Variants in MAST2 observed in about 807,000 individuals in gnomAD.
The protein encoded by MAST2 is microtubule-associated serine/threonine-protein kinase 2.
Under a neutral mutation model 147.4 loss-of-function variants are expected in MAST2, and 70 were observed. That is an observed-to-expected ratio of 0.47 (90% CI 0.39 to 0.58). The LOEUF is 0.58. Ranked by LOEUF, MAST2 falls within the 20% of genes least tolerant of loss-of-function variation. The pLI is 0.00. For missense variants in MAST2, 2,080 were observed against 2,302.3 expected (o/e 0.90, Z 1.98); for synonymous variants, 869 against 896.8 (o/e 0.97, Z 0.55).
At chr1:46,020,829 T>C (rs1646152366) in intron 11 of MAST2, among the ~76,000 whole-genome samples, 1 of 152,204 alleles carries the variant, frequency 6.6e-6, no homozygotes, top group African/African-American at 2.4e-5. Flanking sequence ...TCACTCAGCA[T>C]GTTTGTAGAA....
At chr1:46,032,031 G>C in intron 24 of MAST2, 147 bp from the exon 25 acceptor site, 4 of 656,910 alleles carry the variant, frequency 6.1e-6, no homozygotes, top group Non-Finnish European at 1.1e-5. Flanking sequence ...GGACACGGGA[G>C]AGGGCTTCAC....
chr1:45,933,731 G>T (rs1029573923), intron 4 of MAST2, among the ~76,000 whole-genome samples: 1 of 152,092 alleles, frequency 6.6e-6, no homozygotes, highest in South Asian at 2.1e-4. Context: ...TCTAGCCTGG[G>T]CAACAAGAGC....
intron 4 of MAST2, among the ~76,000 whole-genome samples, chr1:45,906,550 A>G (rs1275992301): frequency 6.8e-6 from 1 of 147,788 alleles, no homozygotes; most frequent in African/African-American, 2.6e-5. Flanking sequence ...AAAATAATGT[A>G]GCCTAAGTGT....
At chr1:45,926,519 T>G (rs1415948407) in intron 4 of MAST2, among the ~76,000 whole-genome samples, 1 of 152,212 alleles carries the variant, frequency 6.6e-6, no homozygotes, top group Admixed American at 6.5e-5. Context: ...GCATTCTCAC[T>G]AATTGTTTCT....
At chr1:45,862,123 A>G (rs1645999755) in intron 3 of MAST2, among the ~76,000 whole-genome samples, 1 of 152,278 alleles carries the variant, frequency 6.6e-6, no homozygotes, top group Non-Finnish European at 1.5e-5. Context: ...CAAAATTTGC[A>G]TAAATTTTGA....
chr1:45,976,224 A>C (rs1200085376), intron 5 of MAST2, among the ~76,000 whole-genome samples: 1 of 151,922 alleles, frequency 6.6e-6, no homozygotes, highest in African/African-American at 2.4e-5. Context: ...TGATCCGCCC[A>C]CCTCAGCCTC....
In MAST2 at chr1:45,993,692, A is replaced by T. The variant is rs560832228; in HGVS notation, c.593-4032A>T. 5.2e-4 allele frequency among the ~76,000 whole-genome samples: 79 copies of T among 151,558 alleles called. No individual in the cohort carries two copies. The East Asian group carries it at 7.8e-3, about 15-fold the overall frequency. ...AAATGAGACTCCATCTCAAAAAAAAATTTTTTTTTGCTGGTACAATGACTT... is the reference window on the plus strand; with the variant it reads ...AAATGAGACTCCATCTCAAAAAAAATTTTTTTTTTGCTGGTACAATGACTT... On this transcript the variant is annotated intron_variant, in intron 5 of 28. Coordinates refer to ENST00000361297, the MANE Select transcript of MAST2 (RefSeq NM_015112.3).
chr1:46,017,163 T>G (rs9429176), intron 10 of MAST2, among the ~76,000 whole-genome samples: 2 of 151,938 alleles, frequency 1.3e-5, no homozygotes. Context: ...ACACCTTATA[T>G]AAAAATTAAT....
intron 16 of MAST2, among the ~76,000 whole-genome samples, chr1:46,027,491 G>GAAA (rs1313483588): frequency 6.6e-6 from 1 of 152,176 alleles, no homozygotes; most frequent in Non-Finnish European, 1.5e-5. Context: ...AGGGCAATAA[G>GAAA]CAGAAATGGA....
intron 4 of MAST2, among the ~76,000 whole-genome samples, chr1:45,930,166 G>A (rs1007280449): frequency 2.6e-5 from 4 of 152,018 alleles, no homozygotes; most frequent in Admixed American, 2.6e-4. Flanking sequence ...TGCATCCTCC[G>A]CCTCCAGGTT....
Position 45,825,305 on chromosome 1 carries a change from G to A in MAST2, c.325+725G>A, listed in dbSNP as rs188857160. ...CTCCCATAGTGCTGGGATTACAGGCGTGAGCCACCGCGCCCAGCCTCTTAT... is the reference window on the plus strand; with the variant it reads ...CTCCCATAGTGCTGGGATTACAGGCATGAGCCACCGCGCCCAGCCTCTTAT... On this transcript the variant is annotated intron_variant, in intron 2 of 28. Transcript: ENST00000361297. 1.1e-3 allele frequency among the ~76,000 whole-genome samples: 175 copies of A among 152,288 alleles called. 1 individual carries two copies. Among genetic ancestry groups the A allele is most frequent in the African/African-American group, 3.3e-3 (136 of 41,564 alleles).
rs115680073 is a variant in MAST2 at position 46,010,542 on chromosome 1, G to T, written c.979-188G>T. Among the ~76,000 whole-genome samples the T allele has an allele frequency of 6.6e-3, 1,007 of 152,302 alleles. 12 individuals carry two copies. The highest frequency in any genetic ancestry group is 0.023 in the African/African-American group (971 of 41,548). Reference sequence around the variant, plus strand: ...AGAGGGCCTTGAATATAAAGCTAAGGCATCTTGAGTTGACTTTACTTGAAG... The same window carrying T: ...AGAGGGCCTTGAATATAAAGCTAAGTCATCTTGAGTTGACTTTACTTGAAG... On this transcript the variant is annotated intron_variant, in intron 9 of 28. Transcript: ENST00000361297.
In MAST2 at chr1:45,854,791, A is replaced by G. The variant is rs369964712; in HGVS notation, c.468+25210A>G. ...TCAACTCCTATACTGCATGCCTGGA[A>G]TAAGCATCAGATCCCATAGGCTAAG... On this transcript the variant is annotated intron_variant, in intron 3 of 28. Coordinates refer to ENST00000361297, the MANE Select transcript of MAST2 (RefSeq NM_015112.3). Among the ~76,000 whole-genome samples the G allele has an allele frequency of 5.3e-4, 80 of 152,340 alleles. 2 individuals are homozygous for G. The highest frequency in any genetic ancestry group is 4.8e-3 in the East Asian group (25 of 5,188).
intron 3 of MAST2, among the ~76,000 whole-genome samples, chr1:45,880,512 A>G (rs780164679): frequency 4.6e-5 from 7 of 152,222 alleles, no homozygotes; most frequent in Non-Finnish European, 7.3e-5. Context: ...TGTACTTAAC[A>G]GACTTATCAA....
chr1:45,931,867 T>C (rs368723639), intron 4 of MAST2, among the ~76,000 whole-genome samples: 1 of 152,014 alleles, frequency 6.6e-6, no homozygotes. Flanking sequence ...TTTTAAAAAA[T>C]TTTTTTAGAG....
chr1:46,005,088 C>G (rs966593401), intron 7 of MAST2, among the ~76,000 whole-genome samples: 3 of 152,114 alleles, frequency 2.0e-5, no homozygotes, highest in African/African-American at 7.2e-5. Flanking sequence ...ACAGGCTGGG[C>G]GCGGTGGCTC....
Position 46,031,463 on chromosome 1 carries a change from C to T in MAST2, c.3065C>T (p.Ala1022Val). The change falls in exon 24 of 29, where the codon GCT becomes GTT. Residue 1022 changes from alanine (A) to valine (V), a missense_variant. Transcript: ENST00000361297. The surrounding 1 kb of genome is among the most constrained non-coding windows in gnomAD (Gnocchi z 4.1). ...GATAKAISDLAVRRARHRLLS... is the reference protein window; with the variant it reads ...GATAKAISDLVVRRARHRLLS... ...ACAGCCAAGGCCATCAGTGACCTGG[C>T]TGTGCGTAGGGCCCGCCACCGGCTG... The T allele has an allele frequency of 1.2e-6, 2 of 1,614,134 alleles. No individual in the cohort carries two copies. The highest frequency in any genetic ancestry group is 1.1e-5 in the South Asian group (1 of 91,076).
At chr1:45,905,810 AC>A (rs1393521461) in intron 4 of MAST2, among the ~76,000 whole-genome samples, 2 of 151,996 alleles carry the variant, frequency 1.3e-5, no homozygotes, top group Non-Finnish European at 2.9e-5. Flanking sequence ...GATTTAGGAT[AC>A]TACCCCTAAC....
chr1:45,807,773 C>G (rs888044418), intron 1 of MAST2, among the ~76,000 whole-genome samples: 1 of 152,162 alleles, frequency 6.6e-6, no homozygotes, highest in African/African-American at 2.4e-5. Flanking sequence ...AACTCCTGAC[C>G]TCAGGTGATC....
Sources: gnomAD v4.1 joint callset for allele counts (sites outside exome capture counted in the v4.1 genomes callset) on GRCh38, gnomAD v4.1.1 for gene constraint, Gnocchi (gnomAD v3.1) non-coding constraint, MANE v1.5 for transcripts, NCBI Gene and HGNC (gene_info 2026-07-23, HGNC 2026-07-21) for gene names.